Variants in NDC80 observed in about 807,000 individuals in gnomAD.
NDC80 encodes the protein kinetochore protein NDC80 homolog.
A neutral mutation model predicts 89.3 loss-of-function variants in NDC80; 69 were observed. That is an observed-to-expected ratio of 0.77 (90% CI 0.64 to 0.94). The LOEUF (loss-of-function observed/expected upper bound fraction) is 0.94. NDC80 is among the 40% of genes least tolerant of loss of function. The pLI is 0.00. For synonymous variants in NDC80, 243 were observed against 255.6 expected (o/e 0.95, Z 0.47); for missense variants, 593 against 739.6 (o/e 0.80, Z 2.30).
intron 3 of NDC80, among the ~76,000 whole-genome samples, 168 bp downstream of exon 3, chr18:2,575,234 C>T (rs1251348546): frequency 2.6e-5 from 4 of 152,230 alleles, no homozygotes; most frequent in Non-Finnish European, 5.9e-5. Context: ...CTGCTGTAGA[C>T]AGTGTAGCTA....
chr18:2,577,856 G>T lies in NDC80; in HGVS notation c.290G>T (p.Arg97Leu). 2 of 1,613,920 alleles carry T rather than the reference G, an allele frequency of 1.2e-6. No homozygotes were observed. The highest frequency in any genetic ancestry group is 1.1e-5 in the South Asian group (1 of 91,036). Reference protein sequence around the residue: ...NDKAFIQQCIRQLCEFLTENG... With the variant: ...NDKAFIQQCILQLCEFLTENG... ...AAAGCATTCATTCAGCAGTGTATTC[G>T]ACAACTCTGTGAGGTACTTTAGGAT... The change falls in exon 4 of 17, where the codon CGA (arginine) becomes CTA (leucine). Residue 97 changes from arginine (R) to leucine (L), a missense_variant. By Grantham distance (102) the Arg-to-Leu change is moderately radical. Coordinates refer to ENST00000261597, the MANE Select transcript of NDC80 (RefSeq NM_006101.3).
intron 6 of NDC80, among the ~76,000 whole-genome samples, chr18:2,580,754 T>A (rs1456915082): frequency 1.6e-5 from 2 of 126,440 alleles, no homozygotes; most frequent in Non-Finnish European, 3.2e-5. Flanking sequence ...TTTTTTTTTT[T>A]TTTTTTGAGA....
chr18:2,593,080 A>T (rs1598240093), intron 10 of NDC80, among the ~76,000 whole-genome samples: 2 of 117,494 alleles, frequency 1.7e-5, no homozygotes, highest in East Asian at 2.6e-4. Flanking sequence ...TTTGAGTCAG[A>T]CTCTTACTCT....
chr18:2,593,057 T>TGTGTGTGTGTG (rs1491312738), intron 10 of NDC80, among the ~76,000 whole-genome samples: 2 of 69,338 alleles, frequency 2.9e-5, no homozygotes, highest in East Asian at 2.9e-4. Flanking sequence ...TGTGTGTGTC[T>TGTGTGTGTGTG]TTTTTTTTTT....
intron 13 of NDC80, among the ~76,000 whole-genome samples, chr18:2,606,181 C>T (rs888549352): frequency 4.6e-5 from 7 of 151,188 alleles, no homozygotes; most frequent in African/African-American, 1.7e-4. Flanking sequence ...AAAGCACTCC[C>T]ACAACAACTA....
At chr18:2,575,841 G>C (rs561188956) in intron 3 of NDC80, among the ~76,000 whole-genome samples, 116 of 152,318 alleles carry the variant, frequency 7.6e-4, no homozygotes, top group African/African-American at 2.6e-3. Context: ...AGGAGGATCA[G>C]TTGAACCCAG....
chr18:2,603,075 T>C (rs1355110345), intron 13 of NDC80, among the ~76,000 whole-genome samples: 2 of 152,082 alleles, frequency 1.3e-5, no homozygotes, highest in African/African-American at 4.8e-5. Flanking sequence ...TGGTGAGATG[T>C]TGAGCTTGCT....
intron 11 of NDC80, among the ~76,000 whole-genome samples, chr18:2,597,446 T>C (rs1387246220): frequency 6.6e-6 from 1 of 152,252 alleles, no homozygotes; most frequent in East Asian, 1.9e-4. Context: ...TAGTAAGGAT[T>C]CGGTCCGGAT....
chr18:2,591,631 TTTAAATATA>T (rs1457358335), intron 10 of NDC80, among the ~76,000 whole-genome samples: 3 of 152,082 alleles, frequency 2.0e-5, no homozygotes, highest in Non-Finnish European at 4.4e-5. Context: ...AAACCAACTC[TTTAAATATA>T]TTAACTACTT....
Position 2,610,822 on chromosome 18 carries a change from T to C in NDC80, c.1752T>C (p.Arg584=). Residue 584 remains arginine (R), a synonymous_variant, in exon 16 of 17, where the codon CGT becomes CGC. Coordinates refer to ENST00000261597, the MANE Select transcript of NDC80 (RefSeq NM_006101.3). ...ERRKVGNNLQ[R]LLEMVATHVG... ...GAAAAGTGGGAAATAACTTGCAACGTCTGTTAGAGATGGTTGCTACACATG... is the reference window on the plus strand; with the variant it reads ...GAAAAGTGGGAAATAACTTGCAACGCCTGTTAGAGATGGTTGCTACACATG... 1 of 1,591,244 alleles carries C rather than the reference T, an allele frequency of 6.3e-7. No individual in the cohort carries two copies. The highest frequency in any genetic ancestry group is 1.3e-5 in the African/African-American group (1 of 74,648).
chr18:2,578,192 A>C (rs761290915), intron 5 of NDC80, 51 bp downstream of exon 5: 8 of 1,507,906 alleles, frequency 5.3e-6, no homozygotes, highest in Non-Finnish European at 7.2e-6. Flanking sequence ...ACAGAGATGA[A>C]ACAAATTAAA....
chr18:2,577,941 G>A (rs950213399), intron 4 of NDC80, 28 bp from the exon 5 acceptor site: 28 of 1,609,788 alleles, frequency 1.7e-5, no homozygotes, highest in South Asian at 3.3e-5. Flanking sequence ...ATTACAAAAC[G>A]TTTGGTGGTT....
rs1294418570 is a variant in NDC80 at position 2,601,385 on chromosome 18, G to C, written c.1375-11G>C. On this transcript the variant is annotated splice_polypyrimidine_tract_variant and intron_variant, in intron 12 of 16. Coordinates refer to ENST00000261597, the MANE Select transcript of NDC80 (RefSeq NM_006101.3). ...TGTTATATGTCACCCACATTCCTATGTATTTTATAGGTACCTCTTAAGGAA... is the reference window on the plus strand; with the variant it reads ...TGTTATATGTCACCCACATTCCTATCTATTTTATAGGTACCTCTTAAGGAA... 7.5e-7 allele frequency: 1 copy of C among 1,333,088 alleles called. No individual in the cohort carries two copies. 82.6% of individuals were successfully genotyped at this position (1,333,088 alleles called of 1,614,324 possible).
chr18:2,611,022 G>A (rs1307647075), intron 16 of NDC80, among the ~76,000 whole-genome samples, 161 bp downstream of exon 16: 2 of 149,862 alleles, frequency 1.3e-5, no homozygotes, highest in East Asian at 3.9e-4. Flanking sequence ...ATGTGGCAAC[G>A]TGATGCAGGG....
At chr18:2,579,535 C>A (rs574229691) in intron 6 of NDC80, among the ~76,000 whole-genome samples, 40 of 152,278 alleles carry the variant, frequency 2.6e-4, no homozygotes, top group African/African-American at 9.1e-4. Flanking sequence ...TCAAGAAATT[C>A]TCCTGCCTCA....
intron 16 of NDC80, among the ~76,000 whole-genome samples, chr18:2,612,436 G>GT (rs1417429267): frequency 6.6e-6 from 1 of 151,846 alleles, no homozygotes; most frequent in African/African-American, 2.4e-5. Context: ...TTACAGGCAT[G>GT]TGCCACCATG....
chr18:2,596,105 A>G (rs1462057967), intron 11 of NDC80, among the ~76,000 whole-genome samples: 2 of 152,220 alleles, frequency 1.3e-5, no homozygotes, highest in African/African-American at 4.8e-5. Flanking sequence ...TACTGAGGAA[A>G]CATATAGTAC....
rs551600068 is a variant in NDC80 at position 2,586,840 on chromosome 18, A to C, written c.670-990A>C. The stretch of plus-strand genomic sequence containing the variant: ...CAAATGACAATATATAGAGAAGCAC[A>C]TGGGAAACTATAAAGTACTCTTTGT... On this transcript the variant is annotated intron_variant, in intron 7 of 16. Coordinates refer to ENST00000261597, the MANE Select transcript of NDC80 (RefSeq NM_006101.3). Among the ~76,000 whole-genome samples the C allele has an allele frequency of 5.3e-5, 8 of 152,358 alleles. No individual in the cohort carries two copies. In the East Asian group the frequency reaches 1.5e-3, roughly 29 times the overall value.
chr18:2,578,733 A>G (rs2072561303), intron 5 of NDC80, among the ~76,000 whole-genome samples, 194 bp from the exon 6 acceptor site: 1 of 152,218 alleles, frequency 6.6e-6, no homozygotes, highest in South Asian at 2.1e-4. Context: ...TCGGGGATAG[A>G]TGTACAAAGT....
Sources: gnomAD v4.1 joint callset for allele counts (sites outside exome capture counted in the v4.1 genomes callset) on GRCh38, gnomAD v4.1.1 for gene constraint, MANE v1.5 for transcripts, NCBI Gene and HGNC (gene_info 2026-07-23, HGNC 2026-07-21) for gene names.